CD36: variants seen among roughly 807,000 people sequenced by gnomAD.
The protein encoded by CD36 is CD36 molecule (CD36 blood group), also known as platelet glycoprotein 4.
CD36 carries 119 observed loss-of-function variants against 55.2 expected under a neutral mutation model. The observed-to-expected ratio is 2.15, with a 90% CI of 1.86 to 2.51. The LOEUF (loss-of-function observed/expected upper bound fraction) is 2.51. Among genes scored for constraint, CD36 ranks in the 30% most tolerant of loss-of-function variants. The pLI is 0.00. For synonymous variants in CD36, 186 were observed against 193.6 expected (o/e 0.96, Z 0.33); for missense variants, 819 against 555.5 (o/e 1.47, Z -4.77).
At chr7:80,628,211 TA>T (rs143783523) in intron 1 of CD36, among the ~76,000 whole-genome samples, 4 of 151,966 alleles carry the variant, frequency 2.6e-5, no homozygotes, top group South Asian at 4.1e-4. Flanking sequence ...CAGCATCAAA[TA>T]AAAAAAATTT....
chr7:80,611,814 C>T (rs1792891781), intron 1 of CD36, among the ~76,000 whole-genome samples: 1 of 152,060 alleles, frequency 6.6e-6, no homozygotes, highest in Non-Finnish European at 1.5e-5. Context: ...GAAGCTAAAG[C>T]TGTAATTGAT....
At chr7:80,675,706 A>G (rs918124853) in intron 14 of CD36, among the ~76,000 whole-genome samples, 2 of 152,202 alleles carry the variant, frequency 1.3e-5, no homozygotes, top group African/African-American at 4.8e-5. Flanking sequence ...TCTTAATATC[A>G]TAAAAATTAT....
chr7:80,664,900 CT>C (rs903764047), intron 7 of CD36, among the ~76,000 whole-genome samples: 5 of 147,026 alleles, frequency 3.4e-5, no homozygotes, highest in Non-Finnish European at 7.5e-5. Flanking sequence ...TAGATGGAAA[CT>C]TTTTTTTTAC....
chr7:80,639,326 G>T (rs1794654646), intron 1 of CD36, among the ~76,000 whole-genome samples: 1 of 151,882 alleles, frequency 6.6e-6, no homozygotes, highest in Non-Finnish European at 1.5e-5. Flanking sequence ...AATGAACAAA[G>T]ATATTGTCAT....
rs1796832579 is a variant in CD36, at chr7:80,664,424, G to GAA, written c.628_629insAA (p.Gly210GlufsTer13). On this transcript the variant is annotated frameshift_variant, in exon 7 of 15. Transcript: ENST00000447544. LOFTEE classifies it high-confidence loss of function. ...ATTTCAGTACAACAATACTGCAGAT[G>GAA]GAGTTTATAAAGTTTTCAATGGAAA... The GAA allele has an allele frequency of 6.4e-7, 1 of 1,562,772 alleles. No homozygotes were observed. Among genetic ancestry groups the GAA allele is most frequent in the East Asian group, 2.2e-5 (1 of 44,524 alleles).
intron 1 of CD36, among the ~76,000 whole-genome samples, chr7:80,617,400 T>C (rs766908586): frequency 1.4e-4 from 21 of 151,846 alleles, no homozygotes; most frequent in Non-Finnish European, 2.6e-4. Context: ...AAATAAAATA[T>C]ATGTATCCTC....
At chr7:80,646,355 T>G in intron 2 of CD36, 174 bp downstream of exon 2, 1 of 265,836 alleles carries the variant, frequency 3.8e-6, no homozygotes, top group Non-Finnish European at 7.4e-6. Flanking sequence ...GGAAGAGAGA[T>G]GAGGGTGAGA....
chr7:80,642,020 C>A (rs1794851893), intron 1 of CD36, among the ~76,000 whole-genome samples: 1 of 151,784 alleles, frequency 6.6e-6, no homozygotes. Flanking sequence ...ATGAATTCTA[C>A]AAAAGGAATA....
rs770518025 is a variant in CD36 at position 80,655,443 on chromosome 7, C to T, written c.121-1097C>T. ...TCCCAAAGCTCCTAAAGCAAGGAAT[C>T]GAGTTCCTAATGTAGGATTTTTAAT... On this transcript the variant is annotated intron_variant, in intron 3 of 14. Transcript: ENST00000447544. Among the ~76,000 whole-genome samples the T allele has an allele frequency of 3.3e-5, 5 of 152,142 alleles. No individual in the cohort carries two copies. In the East Asian group the frequency reaches 5.8e-4, roughly 18 times the overall value.
intron 13 of CD36, 119 bp from the exon 14 acceptor site, chr7:80,673,864 T>G: frequency 1.3e-6 from 1 of 771,218 alleles, no homozygotes; most frequent in South Asian, 1.5e-5. Flanking sequence ...TAACTTGCCT[T>G]ATAGATACTG....
At chr7:80,634,324 T>C (rs1223121422), upstream of CD36, among the ~76,000 whole-genome samples, 1 of 152,106 alleles carries the variant, frequency 6.6e-6, no homozygotes, top group Non-Finnish European at 1.5e-5. Flanking sequence ...ACCCATTCAA[T>C]CTAGAATTAC....
chr7:80,638,254 C>T (rs1345891179), upstream of CD36, among the ~76,000 whole-genome samples: 2 of 151,924 alleles, frequency 1.3e-5, no homozygotes, highest in South Asian at 2.1e-4. Flanking sequence ...TCAGTCAAGA[C>T]AGGGAAGTGA....
Position 80,672,814 on chromosome 7 carries a change from C to G in CD36, c.1170C>G (p.Asn390Lys), listed in dbSNP as rs201728797. ...AATTTGCAAAACGGCTGCAGGTCAA[C>G]CTATTGGTCAAGCCATCAGAAAAAA... ...TLQFAKRLQV[N>K]LLVKPSEKIQ... Residue 390 changes from asparagine to lysine, a missense_variant, in exon 12 of 15, where the codon AAC becomes AAG. Asn to Lys is a moderately conservative substitution (Grantham distance 94). Transcript: ENST00000447544. The G allele has an allele frequency of 1.4e-5, 22 of 1,610,780 alleles. No homozygotes were observed. Among genetic ancestry groups the G allele is most frequent in the Middle Eastern group, 1.7e-4 (1 of 5,924 alleles).
intron 13 of CD36, chr7:80,673,685 A>G: frequency 1.8e-6 from 1 of 559,168 alleles, no homozygotes; most frequent in Non-Finnish European, 3.2e-6. Flanking sequence ...CTATAAATCC[A>G]TGCATTGATA....
chr7:80,661,089 T>C lies in CD36; in HGVS notation c.308T>C (p.Val103Ala), dbSNP rs143878695. Residue 103 changes from valine (V) to alanine (A), a missense_variant, in exon 5 of 15, where the codon GTA (valine) becomes GCA (alanine). By Grantham distance (64) the Val-to-Ala change is moderately conservative. Coordinates refer to ENST00000447544, the MANE Select transcript of CD36 (RefSeq NM_001001548.3). ...YRVRFLAKEN[V>A]TQDAEDNTVS... The stretch of plus-strand genomic sequence containing the variant: ...GTTCGTTTTCTAGCCAAGGAAAATG[T>C]AACCCAGGACGCTGAGGACAACACA... The C allele has an allele frequency of 6.2e-7, 1 of 1,613,920 alleles. No individual in the cohort carries two copies. The highest frequency in any genetic ancestry group is 8.5e-7 in the Non-Finnish European group (1 of 1,179,790).
intron 1 of CD36, among the ~76,000 whole-genome samples, chr7:80,614,198 T>C: frequency 6.6e-6 from 1 of 152,210 alleles, no homozygotes. Flanking sequence ...CATTCTCTTT[T>C]TTGTTTACAT....
chr7:80,664,270 T>A (rs1796807493), intron 6 of CD36, 136 bp from the exon 7 acceptor site: 1 of 625,968 alleles, frequency 1.6e-6, no homozygotes, highest in Non-Finnish European at 2.9e-6. Flanking sequence ...GGCCAATAAT[T>A]TAAAAAAATG....
At chr7:80,610,218 T>C (rs1792801449) in intron 1 of CD36, among the ~76,000 whole-genome samples, 2 of 152,224 alleles carry the variant, frequency 1.3e-5, no homozygotes, top group African/African-American at 2.4e-5. Context: ...TAAAAATTGT[T>C]ACTATATTGT....
intron 1 of CD36, among the ~76,000 whole-genome samples, chr7:80,629,147 G>C (rs1430540473): frequency 6.6e-6 from 1 of 152,032 alleles, no homozygotes; most frequent in Non-Finnish European, 1.5e-5. Context: ...GAAAACTCCA[G>C]TGTTAGCACT....
Sources: allele counts gnomAD v4.1 joint callset (sites outside exome capture counted in the v4.1 genomes callset), GRCh38; gene constraint gnomAD v4.1.1; transcripts MANE v1.5; gene names NCBI Gene and HGNC (gene_info 2026-07-23, HGNC 2026-07-21).